Variants in SCN8A observed in about 807,000 individuals in gnomAD.
SCN8A encodes sodium channel protein type 8 subunit alpha.
In SCN8A, 30 loss-of-function variants were observed where a neutral mutation model predicts 184.1. The ratio of observed to expected loss-of-function variants is 0.16; its 90% CI spans 0.12 to 0.22. SCN8A has a LOEUF of 0.22. SCN8A is among the 10% of genes least tolerant of loss of function. The pLI is 1.00. For synonymous variants in SCN8A, 852 were observed against 907.0 expected (o/e 0.94, Z 1.09); for missense variants, 1,057 against 2,498.9 (o/e 0.42, Z 12.30).
At chr12:51,744,092 AG>A (rs1314011572) in intron 12 of SCN8A, among the ~76,000 whole-genome samples, 1 of 152,212 alleles carries the variant, frequency 6.6e-6, no homozygotes, top group Non-Finnish European at 1.5e-5. Flanking sequence ...ACTTGAGGCC[AG>A]GAGTTCCAGA....
intron 21 of SCN8A, among the ~76,000 whole-genome samples, chr12:51,785,951 A>G (rs1475869335): frequency 1.3e-5 from 2 of 152,166 alleles, no homozygotes; most frequent in Non-Finnish European, 2.9e-5. Context: ...TTCAGATTTT[A>G]TTTTATACTG....
intron 12 of SCN8A, among the ~76,000 whole-genome samples, chr12:51,731,793 G>T (rs964312892): frequency 6.6e-6 from 1 of 152,058 alleles, no homozygotes; most frequent in African/African-American, 2.4e-5. Flanking sequence ...TCTCATTGTA[G>T]TTTTGATTTG....
intron 12 of SCN8A, among the ~76,000 whole-genome samples, chr12:51,732,942 A>G (rs571160811): frequency 1.3e-5 from 2 of 152,280 alleles, no homozygotes; most frequent in South Asian, 2.1e-4. Context: ...TATCAGTTCT[A>G]AGAGTTTTCT....
intron 11 of SCN8A, among the ~76,000 whole-genome samples, chr12:51,708,614 T>G (rs1941822392): frequency 6.6e-6 from 1 of 152,258 alleles, no homozygotes; most frequent in Non-Finnish European, 1.5e-5. Context: ...TTCAGTCTTT[T>G]GCCAGTCTTA....
chr12:51,803,097 G>A (rs1017649880), intron 26 of SCN8A, among the ~76,000 whole-genome samples: 18 of 152,194 alleles, frequency 1.2e-4, no homozygotes, highest in African/African-American at 4.1e-4. Flanking sequence ...TGAGGAGCAA[G>A]GAAGCCAGTA....
In SCN8A at chr12:51,727,295, C is replaced by CT. The variant is rs1275043097; in HGVS notation, c.1998+5389dup. 2.0e-5 allele frequency among the ~76,000 whole-genome samples: 3 copies of CT among 151,824 alleles called. No homozygotes were observed. In the East Asian group the frequency reaches 5.8e-4, roughly 29 times the overall value. On this transcript the variant is annotated intron_variant, in intron 12 of 26. Coordinates refer to ENST00000627620, the MANE Select transcript of SCN8A (RefSeq NM_001330260.2). ...ACTGAGGGTTTTTCCTCCAAGGCTT[C>CT]TTACAGGTTGAATTAAAAAAAAAAT...
intron 15 of SCN8A, among the ~76,000 whole-genome samples, chr12:51,764,591 C>A (rs934910211): frequency 1.3e-5 from 2 of 151,974 alleles, no homozygotes; most frequent in Admixed American, 6.6e-5. Context: ...GCCGAGATCA[C>A]GTTGCTGCAC....
intron 1 of SCN8A, among the ~76,000 whole-genome samples, chr12:51,600,069 C>T (rs1939431427): frequency 6.6e-6 from 1 of 152,182 alleles, no homozygotes; most frequent in African/African-American, 2.4e-5. Flanking sequence ...AATTGTTTCT[C>T]TGCAGAGGGT....
intron 9 of SCN8A, among the ~76,000 whole-genome samples, chr12:51,703,845 CA>C (rs1941732808): frequency 6.6e-6 from 1 of 152,114 alleles, no homozygotes; most frequent in Non-Finnish European, 1.5e-5. Context: ...TTCTGTTGCA[CA>C]GCCTAGAGTT....
intron 1 of SCN8A, among the ~76,000 whole-genome samples, chr12:51,616,889 A>G (rs1939851883): frequency 6.6e-6 from 1 of 151,986 alleles, no homozygotes; most frequent in African/African-American, 2.4e-5. Context: ...ACTGCACTCC[A>G]GCCTGAGTGA....
chr12:51,750,229 G>C (rs1359710769), intron 13 of SCN8A, among the ~76,000 whole-genome samples: 1 of 152,214 alleles, frequency 6.6e-6, no homozygotes, highest in East Asian at 1.9e-4. Flanking sequence ...GTGGGCTCCT[G>C]CTTCATCTAG....
At chr12:51,712,967 T>C (rs2138763460) in intron 11 of SCN8A, 1 of 1,591,178 alleles carries the variant, frequency 6.3e-7, no homozygotes, top group East Asian at 2.2e-5. Context: ...CCACGACCTG[T>C]CCGTGATCCA....
At chr12:51,608,610 G>A (rs1055741881) in intron 1 of SCN8A, among the ~76,000 whole-genome samples, 10 of 152,016 alleles carry the variant, frequency 6.6e-5, no homozygotes, top group Non-Finnish European at 1.5e-5. Flanking sequence ...TCTTATTGAG[G>A]TTATTTGGAT....
At chr12:51,712,979 C>T (rs1038011608) in intron 11 of SCN8A, 32 of 1,588,410 alleles carry the variant, frequency 2.0e-5, no homozygotes, top group Admixed American at 5.0e-5. Context: ...CGTGATCCAG[C>T]GGACTGCATC....
Position 51,770,679 on chromosome 12 carries a change from C to T in SCN8A, c.3641C>T (p.Ala1214Val). The T allele has an allele frequency of 6.2e-7, 1 of 1,613,840 alleles. No homozygotes were observed. The highest frequency in any genetic ancestry group is 8.5e-7 in the Non-Finnish European group (1 of 1,179,846). The change falls in exon 19 of 27, where the codon GCC becomes GTC. Residue 1214 changes from alanine (A) to valine (V), a missense_variant. Coordinates refer to ENST00000627620, the MANE Select transcript of SCN8A (RefSeq NM_001330260.2). The part of the protein sequence containing the change: ...IIFMILLSSG[A>V]LAFEDIYIEQ... Reference sequence around the variant, plus strand: ...TTCATGATTCTGCTGAGCAGTGGCGCCCTGGTGAGGTCCAGGGGAGAGTGT... The same window carrying T: ...TTCATGATTCTGCTGAGCAGTGGCGTCCTGGTGAGGTCCAGGGGAGAGTGT...
Position 51,596,935 on chromosome 12 carries a change from G to T in SCN8A, c.-55+5576G>T, listed in dbSNP as rs558942597. On this transcript the variant is annotated intron_variant, in intron 1 of 26. Transcript: ENST00000627620. ...ACCTGGACTTCTTTGCTTATGCAAGGCTGAAACTGGTGTGAGACTCAGAGA... is the reference window on the plus strand; with the variant it reads ...ACCTGGACTTCTTTGCTTATGCAAGTCTGAAACTGGTGTGAGACTCAGAGA... 2.6e-5 allele frequency among the ~76,000 whole-genome samples: 4 copies of T among 152,186 alleles called. No individual in the cohort carries two copies. In the South Asian group the frequency reaches 8.3e-4, roughly 31 times the overall value.
intron 12 of SCN8A, among the ~76,000 whole-genome samples, chr12:51,737,706 G>T (rs894823886): frequency 6.6e-6 from 1 of 152,194 alleles, no homozygotes; most frequent in Non-Finnish European, 1.5e-5. Context: ...ATTGAATTTT[G>T]TAAGTGATCA....
intron 2 of SCN8A, among the ~76,000 whole-genome samples, chr12:51,671,868 T>C (rs946366950): frequency 6.6e-6 from 1 of 152,190 alleles, no homozygotes; most frequent in African/African-American, 2.4e-5. Context: ...TGATACAAGC[T>C]CTGAAGATGC....
intron 26 of SCN8A, among the ~76,000 whole-genome samples, chr12:51,805,883 C>T (rs1308407499): frequency 1.3e-5 from 2 of 151,538 alleles, no homozygotes; most frequent in African/African-American, 4.9e-5. Flanking sequence ...GGCTGGAGTG[C>T]AGTGGCACGA....
Sources: allele counts gnomAD v4.1 joint callset (sites outside exome capture counted in the v4.1 genomes callset), GRCh38; gene constraint gnomAD v4.1.1; transcripts MANE v1.5; gene names NCBI Gene and HGNC (gene_info 2026-07-23, HGNC 2026-07-21).